Variants in PLCL1 observed in about 807,000 individuals in gnomAD.
The protein encoded by PLCL1 is phospholipase C like 1 (inactive).
PLCL1 carries 41 observed loss-of-function variants against 84.4 expected under a neutral mutation model. The ratio of observed to expected loss-of-function variants is 0.49; its 90% CI spans 0.38 to 0.63. The LOEUF is 0.63. Ranked by LOEUF, PLCL1 falls within the 30% of genes least tolerant of loss-of-function variation. The probability of loss-of-function intolerance (pLI) is 0.00; values close to 1 mark genes in which losing one functional copy is unlikely to be tolerated. For synonymous variants in PLCL1, 490 were observed against 488.3 expected (o/e 1.00, Z -0.05); for missense variants, 1,206 against 1,367.8 (o/e 0.88, Z 1.87).
intron 1 of PLCL1, among the ~76,000 whole-genome samples, chr2:198,077,394 A>G (rs1054773880): frequency 1.2e-4 from 19 of 152,184 alleles, no homozygotes; most frequent in African/African-American, 4.6e-4. Context: ...TGCCCAAGTT[A>G]GCAGTAACTG....
At chr2:198,060,796 A>G (rs1454150129) in intron 1 of PLCL1, among the ~76,000 whole-genome samples, 2 of 152,164 alleles carry the variant, frequency 1.3e-5, no homozygotes, top group African/African-American at 2.4e-5. Flanking sequence ...TTGTTATAAA[A>G]TAGTGGTAGA....
At chr2:198,143,331 G>A (rs2105947610) in intron 5 of PLCL1, among the ~76,000 whole-genome samples, 1 of 152,262 alleles carries the variant, frequency 6.6e-6, no homozygotes, top group South Asian at 2.1e-4. Context: ...ACAGGAGTGG[G>A]AGCTCAGGCA....
chr2:197,810,383 C>A (rs1031418141), intron 1 of PLCL1: 2 of 580,802 alleles, frequency 3.4e-6, no homozygotes, highest in African/African-American at 2.0e-5. Flanking sequence ...TTAGTGTTTG[C>A]TACTATTATC....
chr2:197,943,627 C>CTTTTTTTTTTTTTTTTT (rs5837573), intron 1 of PLCL1, among the ~76,000 whole-genome samples: 2 of 119,204 alleles, frequency 1.7e-5, no homozygotes, highest in African/African-American at 3.2e-5. Context: ...TTGGTTACAT[C>CTTTTTTTTTTTTTTTTT]TTTTTTTTTT....
chr2:198,017,899 C>G (rs1367999716), intron 1 of PLCL1, among the ~76,000 whole-genome samples: 1 of 152,184 alleles, frequency 6.6e-6, no homozygotes, highest in Non-Finnish European at 1.5e-5. Flanking sequence ...AAATGAGATT[C>G]TATCTTTGCC....
At chr2:198,106,900 A>G (rs1335810753) in intron 5 of PLCL1, among the ~76,000 whole-genome samples, 1 of 151,852 alleles carries the variant, frequency 6.6e-6, no homozygotes, top group Admixed American at 6.6e-5. Flanking sequence ...GCTAGTAAAC[A>G]GCCAGCCTGC....
chr2:197,929,702 A>G (rs1688897808), intron 1 of PLCL1, among the ~76,000 whole-genome samples: 1 of 152,324 alleles, frequency 6.6e-6, no homozygotes, highest in South Asian at 2.1e-4. Flanking sequence ...GATTCTGGGC[A>G]GGTATGAATT....
rs1416568777 is a variant in PLCL1 at position 198,089,030 on chromosome 2, T to G, written c.2888T>G (p.Val963Gly). ...GAGCCTCTGGGTGCAATTCCAGATG[T>G]GCAGAAAAAGATGCTGACTGCTTAT... ...YLEPLGAIPD[V>G]QKKMLTAYDL... is the part of the protein sequence containing the mutation. Residue 963 changes from valine (V) to glycine (G), a missense_variant, in exon 3 of 6, where the codon GTG becomes GGG. By Grantham distance (109) the Val-to-Gly change is moderately radical. Coordinates refer to ENST00000428675, the MANE Select transcript of PLCL1 (RefSeq NM_006226.4). 3.5e-5 allele frequency: 56 copies of G among 1,614,040 alleles called. No individual in the cohort carries two copies. The highest frequency in any genetic ancestry group is 4.0e-5 in the Non-Finnish European group (47 of 1,179,880).
intron 1 of PLCL1, among the ~76,000 whole-genome samples, chr2:197,855,370 T>C (rs1687312024): frequency 6.6e-6 from 1 of 152,218 alleles, no homozygotes; most frequent in South Asian, 2.1e-4. Flanking sequence ...TAGGTTTTTC[T>C]ACCAGTCCTG....
Position 197,834,563 on chromosome 2 carries a change from G to A in PLCL1, c.240+29224G>A, listed in dbSNP as rs1022485916. ...ATACGAATAAAAGCCTGTCATCACT[G>A]GTCATTAAAGAATTGCAAATCAAAA... On this transcript the variant is annotated intron_variant, in intron 1 of 5. Coordinates refer to ENST00000428675, the MANE Select transcript of PLCL1 (RefSeq NM_006226.4). Among the ~76,000 whole-genome samples the A allele has an allele frequency of 2.6e-5, 4 of 152,196 alleles. No individual in the cohort carries two copies. In the East Asian group the frequency reaches 7.7e-4, roughly 29 times the overall value.
chr2:197,892,067 C>T (rs1559037055), intron 1 of PLCL1, among the ~76,000 whole-genome samples: 2 of 152,220 alleles, frequency 1.3e-5, no homozygotes, highest in African/African-American at 2.4e-5. Flanking sequence ...CAAAGTTCTA[C>T]TTCCGTTGAC....
intron 5 of PLCL1, among the ~76,000 whole-genome samples, chr2:198,139,409 A>G (rs1694332462): frequency 6.6e-6 from 1 of 152,094 alleles, no homozygotes; most frequent in Admixed American, 6.6e-5. Flanking sequence ...TTAAATATGT[A>G]TTTTTTGAGT....
intron 5 of PLCL1, among the ~76,000 whole-genome samples, chr2:198,109,490 T>C (rs533058080): frequency 2.2e-4 from 33 of 152,024 alleles, no homozygotes; most frequent in African/African-American, 7.2e-4. Context: ...TTTTCCTGTT[T>C]TTTAAGGCTT....
At chr2:198,118,332 A>C (rs1281778279) in intron 5 of PLCL1, among the ~76,000 whole-genome samples, 1 of 151,946 alleles carries the variant, frequency 6.6e-6, no homozygotes, top group African/African-American at 2.4e-5. Flanking sequence ...CATCTCAGGA[A>C]GCATAATTTT....
chr2:197,898,605 TTCTA>T (rs1232771443), intron 1 of PLCL1, among the ~76,000 whole-genome samples: 6 of 151,758 alleles, frequency 4.0e-5, no homozygotes, highest in Non-Finnish European at 8.8e-5. Context: ...TTTGCCCTTC[TTCTA>T]TCTGACAAGT....
At position 198,075,736 on chromosome 2, in the gene PLCL1, ATTCT is replaced by A. The variant is rs371229119; in HGVS notation, c.241-8019_241-8016del. ...CTGTTTTTATTGTTTATTTAGAAAC[ATTCT>A]TTATACATTTTGCTCTAATTATTAA... On this transcript the variant is annotated intron_variant, in intron 1 of 5. Coordinates refer to ENST00000428675, the MANE Select transcript of PLCL1 (RefSeq NM_006226.4). Among the ~76,000 whole-genome samples, 107 of 152,344 alleles carry A rather than the reference ATTCT, an allele frequency of 7.0e-4. 3 individuals carry two copies. In the South Asian group the frequency reaches 0.013, roughly 19 times the overall value.
chr2:197,835,711 G>A (rs971717127), intron 1 of PLCL1, among the ~76,000 whole-genome samples: 2 of 152,198 alleles, frequency 1.3e-5, no homozygotes, highest in African/African-American at 4.8e-5. Context: ...TTACTGTGAT[G>A]TTGTGAGAAT....
chr2:198,095,599 GA>G (rs1245027373), intron 3 of PLCL1, among the ~76,000 whole-genome samples: 1 of 152,198 alleles, frequency 6.6e-6, no homozygotes, highest in Non-Finnish European at 1.5e-5. Context: ...TTACCAGCAG[GA>G]GATGTAACCT....
intron 1 of PLCL1, among the ~76,000 whole-genome samples, chr2:198,069,437 C>G (rs1692411719): frequency 6.6e-6 from 1 of 152,074 alleles, no homozygotes; most frequent in Non-Finnish European, 1.5e-5. Flanking sequence ...TGCAGTAAGC[C>G]ATGATCCCAC....
Sources: allele counts gnomAD v4.1 joint callset (sites outside exome capture counted in the v4.1 genomes callset), GRCh38; gene constraint gnomAD v4.1.1; transcripts MANE v1.5; gene names NCBI Gene and HGNC (gene_info 2026-07-23, HGNC 2026-07-21).